The following IKBKB variants were observed in gnomAD, a reference collection of about 807,000 sequenced individuals.
The protein encoded by IKBKB is inhibitor of nuclear factor kappa-B kinase subunit beta.
A neutral mutation model predicts 113.6 loss-of-function variants in IKBKB; 42 were observed. That is an observed-to-expected ratio of 0.37 (90% CI 0.29 to 0.48). IKBKB has a LOEUF of 0.48. IKBKB is among the 20% of genes least tolerant of loss of function. The pLI is 0.99. For missense variants in IKBKB, 673 were observed against 939.7 expected, an observed-to-expected ratio of 0.72 and a Z score of 3.71; for synonymous variants, 296 against 361.3, an observed-to-expected ratio of 0.82 and a Z score of 2.05.
chr8:42,311,829 G>GCAT (rs1817766886), intron 8 of IKBKB, among the ~76,000 whole-genome samples: 2 of 152,172 alleles, frequency 1.3e-5, no homozygotes, highest in Non-Finnish European at 2.9e-5. Flanking sequence ...ACACTTTATA[G>GCAT]TATACGCATT....
intron 5 of IKBKB, 23 bp downstream of exon 5, chr8:42,293,535 A>G: frequency 6.2e-7 from 1 of 1,614,120 alleles, no homozygotes; most frequent in Non-Finnish European, 8.5e-7. Flanking sequence ...CCCGGAATTC[A>G]GGCCGTGTCC....
chr8:42,282,522 GT>G (rs1215625544), intron 2 of IKBKB, among the ~76,000 whole-genome samples: 1 of 152,172 alleles, frequency 6.6e-6, no homozygotes, highest in Non-Finnish European at 1.5e-5. Context: ...GCAGTTTTAA[GT>G]TTTGTCCTTC....
At chr8:42,296,379 C>G (rs954605012) in intron 5 of IKBKB, among the ~76,000 whole-genome samples, 2 of 152,218 alleles carry the variant, frequency 1.3e-5, no homozygotes, top group African/African-American at 4.8e-5. Flanking sequence ...CGCCTATAAT[C>G]CCAGCACTTT....
At chr8:42,311,333 T>A (rs963779062) in intron 8 of IKBKB, among the ~76,000 whole-genome samples, 10 of 152,194 alleles carry the variant, frequency 6.6e-5, no homozygotes, top group African/African-American at 2.2e-4. Context: ...GAGGCCAAGA[T>A]GGGCGGATCA....
At chr8:42,321,516 T>G (rs1400183220) in intron 16 of IKBKB, 4 of 170,982 alleles carry the variant, frequency 2.3e-5, no homozygotes, top group Non-Finnish European at 5.0e-5. Flanking sequence ...AGTTCTTTTA[T>G]TTGTATTTGT....
rs200136227 is a variant in IKBKB at position 42,290,185 on chromosome 8, G to T, written c.230G>T (p.Arg77Leu). ...ACCCACCCCAATGTGGTGGCTGCCC[G>T]AGATGTCCCTGAGGGGATGCAGAAC... Reference protein sequence around the residue: ...RLTHPNVVAARDVPEGMQNLA... With the variant: ...RLTHPNVVAALDVPEGMQNLA... The change falls in exon 4 of 22, where the codon CGA (arginine) becomes CTA (leucine). Residue 77 changes from arginine (R) to leucine (L), a missense_variant. By Grantham distance (102) the Arg-to-Leu change is moderately radical. Transcript: ENST00000520810. 3 of 1,613,778 alleles carry T rather than the reference G, an allele frequency of 1.9e-6. No individual in the cohort carries two copies. Among genetic ancestry groups the T allele is most frequent in the Non-Finnish European group, 2.5e-6 (3 of 1,179,912 alleles).
chr8:42,317,298 C>A, intron 11 of IKBKB: 1 of 421,640 alleles, frequency 2.4e-6, no homozygotes, highest in South Asian at 2.3e-5. Context: ...GGTTAGGCAC[C>A]TGTGTTAACT....
At position 42,316,596 on chromosome 8, in the gene IKBKB, C is replaced by T; in HGVS notation, c.931-114C>T. 4 of 1,058,792 alleles carry T rather than the reference C, an allele frequency of 3.8e-6. No homozygotes were observed. The highest frequency in any genetic ancestry group is 5.4e-6 in the Non-Finnish European group (4 of 735,798). 65.6% of individuals were successfully genotyped at this position (1,058,792 alleles called of 1,614,324 possible). A position where few individuals can be genotyped will look rare whatever the true frequency, so the allele number is the denominator to read the frequency against. ...ATGACCTCCCTCCCTCAAGCTAGGCCCTTGCTTTGTGTGGTTGGGAAATGT... is the reference window on the plus strand; with the variant it reads ...ATGACCTCCCTCCCTCAAGCTAGGCTCTTGCTTTGTGTGGTTGGGAAATGT... On this transcript the variant is annotated intron_variant, in intron 10 of 21. Coordinates refer to ENST00000520810, the MANE Select transcript of IKBKB (RefSeq NM_001556.3). This position sits in a 1 kb window ranked among gnomAD's most constrained non-coding sequence, Gnocchi z 4.5.
At chr8:42,278,649 G>A (rs543226922) in intron 2 of IKBKB, among the ~76,000 whole-genome samples, 6 of 152,154 alleles carry the variant, frequency 3.9e-5, no homozygotes, top group Non-Finnish European at 7.3e-5. Flanking sequence ...GGCAGACCAG[G>A]TCTGAATGTT....
chr8:42,271,674 G>A (rs1807765601), intron 1 of IKBKB: 3 of 532,706 alleles, frequency 5.6e-6, no homozygotes, highest in Non-Finnish European at 9.8e-6. Flanking sequence ...TGGCTTTGAG[G>A]GGAACCTGCG....
rs1810341188 is a variant in IKBKB at position 42,281,361 on chromosome 8, C to A, written c.106-7273C>A. ...GCTGTGTTTCATTTTAGCTGACATC[C>A]CTGGAGTGGATGGAGCCATCCCCAT... On this transcript the variant is annotated intron_variant, in intron 2 of 21. Coordinates refer to ENST00000520810, the MANE Select transcript of IKBKB (RefSeq NM_001556.3). 2.0e-5 allele frequency among the ~76,000 whole-genome samples: 3 copies of A among 152,292 alleles called. No homozygotes were observed. In the South Asian group the frequency reaches 6.2e-4, roughly 32 times the overall value.
chr8:42,307,225 G>A (rs550239288), intron 7 of IKBKB, among the ~76,000 whole-genome samples: 4 of 152,256 alleles, frequency 2.6e-5, no homozygotes, highest in South Asian at 2.1e-4. Flanking sequence ...GGGGAATTCC[G>A]TGCAAAGGGA....
chr8:42,295,835 G>T (rs746141765), intron 5 of IKBKB, among the ~76,000 whole-genome samples: 29 of 152,086 alleles, frequency 1.9e-4, no homozygotes, highest in Non-Finnish European at 3.7e-4. Context: ...CTCTGGTTAC[G>T]TATTCTTTTG....
intron 14 of IKBKB, 40 bp from the exon 15 acceptor site, chr8:42,319,545 T>G (rs1268970904): frequency 3.8e-6 from 6 of 1,576,158 alleles, no homozygotes; most frequent in African/African-American, 1.4e-5. Context: ...GGTGTTTTTA[T>G]TTTGTTTTGT....
intron 7 of IKBKB, among the ~76,000 whole-genome samples, chr8:42,308,009 G>A (rs572144590): frequency 5.3e-5 from 8 of 152,226 alleles, no homozygotes; most frequent in South Asian, 4.2e-4. Context: ...CCCCTTCTTC[G>A]GTCACCCCAG....
In IKBKB at chr8:42,316,971, C is replaced by A; in HGVS notation, c.1125+67C>A. 7.1e-7 allele frequency: 1 copy of A among 1,405,562 alleles called. No individual in the cohort carries two copies. Among genetic ancestry groups the A allele is most frequent in the Non-Finnish European group, 1.0e-6 (1 of 1,004,714 alleles). 87.1% of individuals were successfully genotyped at this position (1,405,562 alleles called of 1,614,324 possible). A position where few individuals can be genotyped will look rare whatever the true frequency, so the allele number is the denominator to read the frequency against. On this transcript the variant is annotated intron_variant, in intron 11 of 21. Transcript: ENST00000520810. This position sits in a 1 kb window ranked among gnomAD's most constrained non-coding sequence, Gnocchi z 4.5. ...TGTGCCTCCTGGGAAACTCAACACA[C>A]TTTCAGATTTCAATTCTGCTTTGTC...
rs1814413995 is a variant in IKBKB, at chr8:42,298,560, T to A, written c.388+5048T>A. On this transcript the variant is annotated intron_variant, in intron 5 of 21. Transcript: ENST00000520810. ...GCATCCATCTGACTGAAGTGTGGAT[T>A]ATAGCAAAAGATCATTTGCACATAA... is the stretch of plus-strand genomic sequence containing the variant. 1.7e-5 allele frequency: 14 copies of A among 840,522 alleles called. No homozygotes were observed. The South Asian group carries it at 7.1e-4, about 43-fold the overall frequency. The allele number at this position is 840,522 out of a possible 1,614,324, so 52.1% of individuals were successfully genotyped here. A position where few individuals can be genotyped will look rare whatever the true frequency, so the allele number is the denominator to read the frequency against.
Position 42,297,224 on chromosome 8 carries a change from C to A in IKBKB, c.388+3712C>A, listed in dbSNP as rs546426853. On this transcript the variant is annotated intron_variant, in intron 5 of 21. Coordinates refer to ENST00000520810, the MANE Select transcript of IKBKB (RefSeq NM_001556.3). The stretch of plus-strand genomic sequence containing the variant: ...CCTGTTTCTGATTTGTATTCTAAAT[C>A]CATTAAATTTCTTTTTGCAAGGATC... 4.3e-4 allele frequency among the ~76,000 whole-genome samples: 66 copies of A among 152,318 alleles called. 2 individuals carry two copies. In the South Asian group the frequency reaches 0.013, roughly 30 times the overall value.
At chr8:42,311,715 T>C (rs1343197932) in intron 8 of IKBKB, among the ~76,000 whole-genome samples, 1 of 152,160 alleles carries the variant, frequency 6.6e-6, no homozygotes, top group Admixed American at 6.5e-5. Flanking sequence ...TTTTGAGAAG[T>C]GGCAAAGTAT....
Sources: gnomAD v4.1 joint callset for allele counts (sites outside exome capture counted in the v4.1 genomes callset) on GRCh38, gnomAD v4.1.1 for gene constraint, Gnocchi (gnomAD v3.1) non-coding constraint, MANE v1.5 for transcripts, NCBI Gene and HGNC (gene_info 2026-07-23, HGNC 2026-07-21) for gene names.